TTC6: variants seen among roughly 807,000 people sequenced by gnomAD.
TTC6 encodes tetratricopeptide repeat protein 6.
Under a neutral mutation model 210.4 loss-of-function variants are expected in TTC6, and 172 were observed. The observed-to-expected ratio is 0.82, with a 90% confidence interval of 0.72 to 0.93. TTC6 has a LOEUF of 0.93. TTC6 is among the 40% of genes least tolerant of loss of function. The pLI, the probability that TTC6 is intolerant of heterozygous loss-of-function variation, is 0.00. For missense variants in TTC6, 2,414 were observed against 2,318.1 expected (o/e 1.04, Z -0.85); for synonymous variants, 804 against 819.6 (o/e 0.98, Z 0.32).
intron 1 of TTC6, among the ~76,000 whole-genome samples, chr14:37,646,904 A>T (rs1463012828): frequency 6.6e-6 from 1 of 152,170 alleles, no homozygotes; most frequent in Non-Finnish European, 1.5e-5. Context: ...GTGTTTAAAG[A>T]TTCTGGCCTC....
chr14:37,670,830 A>G (rs2095756895), intron 1 of TTC6, among the ~76,000 whole-genome samples: 2 of 152,112 alleles, frequency 1.3e-5, no homozygotes, highest in South Asian at 4.1e-4. Flanking sequence ...AAAGGCTAAG[A>G]AAAATTATGC....
intron 1 of TTC6, among the ~76,000 whole-genome samples, chr14:37,600,787 A>G (rs2095614281): frequency 6.6e-6 from 1 of 152,150 alleles, no homozygotes; most frequent in Non-Finnish European, 1.5e-5. Flanking sequence ...TTAAAATTCG[A>G]TTGGAGAGCA....
chr14:37,626,690 A>AGAAATTAG (rs1330562294), intron 1 of TTC6, among the ~76,000 whole-genome samples: 1 of 152,154 alleles, frequency 6.6e-6, no homozygotes, highest in Non-Finnish European at 1.5e-5. Flanking sequence ...TTTCTCCCAG[A>AGAAATTAG]CTTGTAGCTA....
At chr14:37,742,664 C>T (rs933450380) in intron 10 of TTC6, among the ~76,000 whole-genome samples, 1 of 152,024 alleles carries the variant, frequency 6.6e-6, no homozygotes, top group Non-Finnish European at 1.5e-5. Flanking sequence ...GCAATCCACC[C>T]ACCTTGGGCT....
At chr14:37,748,123 G>T (rs973716162) in intron 10 of TTC6, among the ~76,000 whole-genome samples, 1 of 152,168 alleles carries the variant, frequency 6.6e-6, no homozygotes, top group Non-Finnish European at 1.5e-5. Context: ...AGGGAATTAA[G>T]AAATTATTCT....
chr14:37,712,338 T>A (rs577873456), intron 5 of TTC6, among the ~76,000 whole-genome samples: 86 of 152,178 alleles, frequency 5.7e-4, no homozygotes, highest in Non-Finnish European at 1.1e-3. Flanking sequence ...ACCATCTCCC[T>A]CTCCTCCCAA....
chr14:37,731,580 C>G (rs2095886316), intron 7 of TTC6, among the ~76,000 whole-genome samples: 1 of 152,082 alleles, frequency 6.6e-6, no homozygotes, highest in African/African-American at 2.4e-5. Context: ...TCAATTTTTA[C>G]TTTATATATT....
At chr14:37,809,753 C>G (rs900388759) in intron 24 of TTC6, among the ~76,000 whole-genome samples, 1 of 152,110 alleles carries the variant, frequency 6.6e-6, no homozygotes, top group Admixed American at 6.6e-5. Context: ...CAGCATCTAC[C>G]TGTGCAAACT....
At chr14:37,818,309 T>G (rs2096147115) in intron 26 of TTC6, among the ~76,000 whole-genome samples, 1 of 152,134 alleles carries the variant, frequency 6.6e-6, no homozygotes, top group African/African-American at 2.4e-5. Flanking sequence ...GTATATAGAC[T>G]TTGTTAGCCA....
intron 14 of TTC6, among the ~76,000 whole-genome samples, chr14:37,776,750 GATGGGGTGACTATA>G (rs2096038797): frequency 6.6e-6 from 1 of 151,588 alleles, no homozygotes; most frequent in African/African-American, 2.4e-5. Flanking sequence ...AACTTAGCCA[GATGGGGTGACTATA>G]ATGTCAGCTA....
chr14:37,630,729 G>T (rs938909204), intron 1 of TTC6, among the ~76,000 whole-genome samples: 1 of 151,884 alleles, frequency 6.6e-6, no homozygotes, highest in African/African-American at 2.4e-5. Context: ...CTTTTTGTAG[G>T]TCTCTGAGAA....
intron 3 of TTC6, among the ~76,000 whole-genome samples, chr14:37,693,027 A>G (rs924174943): frequency 2.6e-5 from 4 of 152,250 alleles, no homozygotes; most frequent in Admixed American, 2.0e-4. Context: ...ATTCAACATC[A>G]TACTGGAAGT....
chr14:37,654,510 A>G lies in TTC6; in HGVS notation c.940-25641A>G, dbSNP rs529608548. ...ATTGGAAGCTTCCTGAAGCCTCCCC[A>G]GAAGCAGATGCCGCTATGCTTCCTG... On this transcript the variant is annotated intron_variant, in intron 1 of 30. Transcript: ENST00000553443. 3.9e-5 allele frequency among the ~76,000 whole-genome samples: 6 copies of G among 152,102 alleles called. No homozygotes were observed. In the South Asian group the frequency reaches 1.2e-3, roughly 32 times the overall value.
At chr14:37,680,559 A>C (rs934694625) in intron 2 of TTC6, among the ~76,000 whole-genome samples, 1 of 152,166 alleles carries the variant, frequency 6.6e-6, no homozygotes, top group African/African-American at 2.4e-5. Context: ...ATTAATTAAA[A>C]ATTGTTAGCT....
chr14:37,735,116 C>G (rs2095898051), intron 7 of TTC6, among the ~76,000 whole-genome samples: 8 of 152,138 alleles, frequency 5.3e-5, no homozygotes, highest in Admixed American at 5.2e-4. Flanking sequence ...GAAAATATAA[C>G]TTGAGAGGAT....
intron 14 of TTC6, among the ~76,000 whole-genome samples, chr14:37,757,177 G>A (rs769574007): frequency 6.6e-6 from 1 of 151,552 alleles, no homozygotes; most frequent in Non-Finnish European, 1.5e-5. Flanking sequence ...TATTTCTGTG[G>A]GATCAGTGGT....
rs1566922423 is a variant in TTC6, at chr14:37,738,980, GA to G, written c.2193del (p.Lys731AsnfsTer4). On this transcript the variant is annotated frameshift_variant, in exon 10 of 31. Transcript: ENST00000553443. LOFTEE classifies it high-confidence loss of function. ...AGATGACATCTTTGATAACATGTGC[GA>G]AAAACACAGTTTGAGAAATCTCTCT... 6.5e-7 allele frequency: 1 copy of G among 1,535,286 alleles called. No individual in the cohort carries two copies. Among genetic ancestry groups the G allele is most frequent in the Non-Finnish European group, 8.7e-7 (1 of 1,146,622 alleles).
At chr14:37,835,326 G>A (rs1002472218) in intron 29 of TTC6, among the ~76,000 whole-genome samples, 2 of 152,010 alleles carry the variant, frequency 1.3e-5, no homozygotes, top group Non-Finnish European at 2.9e-5. Flanking sequence ...GAGGGTAAGA[G>A]GTTTTTTTTG....
intron 1 of TTC6, among the ~76,000 whole-genome samples, chr14:37,600,061 C>G (rs888112898): frequency 2.0e-5 from 3 of 152,180 alleles, no homozygotes; most frequent in South Asian, 4.1e-4. Flanking sequence ...TTTAAAACCC[C>G]TAGGGCTAGG....
Sources: gnomAD v4.1 joint callset for allele counts (sites outside exome capture counted in the v4.1 genomes callset) on GRCh38, gnomAD v4.1.1 for gene constraint, MANE v1.5 for transcripts, NCBI Gene and HGNC (gene_info 2026-07-23, HGNC 2026-07-21) for gene names.